RAPGEF4: variants seen among roughly 807,000 people sequenced by gnomAD.
The protein encoded by RAPGEF4 is Rap guanine nucleotide exchange factor 4, also known as RAP guanine-nucleotide-exchange factor (GEF) 4.
A neutral mutation model predicts 147.9 loss-of-function variants in RAPGEF4; 66 were observed. The ratio of observed to expected loss-of-function variants is 0.45; its 90% confidence interval spans 0.37 to 0.55. The LOEUF is 0.55. Among genes scored for constraint, RAPGEF4 ranks in the 20% least tolerant of loss-of-function variants. RAPGEF4 has a pLI of 0.00. For missense variants in RAPGEF4, 1,071 were observed against 1,257.3 expected (o/e 0.85, Z 2.24); for synonymous variants, 419 against 442.7 (o/e 0.95, Z 0.67).
intron 3 of RAPGEF4, among the ~76,000 whole-genome samples, chr2:172,801,732 A>G (rs891291220): frequency 2.6e-5 from 4 of 152,166 alleles, no homozygotes; most frequent in Non-Finnish European, 5.9e-5. Context: ...ATAGGTGCCA[A>G]CCAGAAGGAC....
intron 6 of RAPGEF4, among the ~76,000 whole-genome samples, chr2:172,931,294 A>G (rs1685947282): frequency 6.6e-6 from 1 of 151,696 alleles, no homozygotes; most frequent in Non-Finnish European, 1.5e-5. Context: ...TCTAGATAAG[A>G]TCACATCCTG....
At chr2:172,873,039 C>T (rs1201686952) in intron 4 of RAPGEF4, among the ~76,000 whole-genome samples, 1 of 152,166 alleles carries the variant, frequency 6.6e-6, no homozygotes, top group Non-Finnish European at 1.5e-5. Context: ...ATGCCACCAG[C>T]TTAGGAGAGG....
At chr2:172,809,257 T>C (rs1687794528) in intron 3 of RAPGEF4, among the ~76,000 whole-genome samples, 1 of 152,104 alleles carries the variant, frequency 6.6e-6, no homozygotes, top group Non-Finnish European at 1.5e-5. Context: ...CTTGGCCTGC[T>C]GATGGGAGGG....
intron 4 of RAPGEF4, among the ~76,000 whole-genome samples, chr2:172,910,781 G>A (rs985107317): frequency 6.6e-6 from 1 of 152,190 alleles, no homozygotes; most frequent in African/African-American, 2.4e-5. Context: ...AGCATTTCGA[G>A]ACCAAGTGTT....
At chr2:172,785,027 G>A (rs2149520110) in intron 1 of RAPGEF4, among the ~76,000 whole-genome samples, 1 of 152,214 alleles carries the variant, frequency 6.6e-6, no homozygotes, top group East Asian at 1.9e-4. Context: ...GTTTTGCCAT[G>A]TTGGTCAGGC....
chr2:172,749,479 T>A (rs555728370), intron 1 of RAPGEF4, among the ~76,000 whole-genome samples: 1 of 152,286 alleles, frequency 6.6e-6, no homozygotes, highest in African/African-American at 2.4e-5. Context: ...TAGCCATGGA[T>A]AGAGCAGCTG....
chr2:173,018,847 T>C, intron 22 of RAPGEF4, 45 bp downstream of exon 22: 1 of 1,594,194 alleles, frequency 6.3e-7, no homozygotes, highest in Non-Finnish European at 8.6e-7. Context: ...AATGGGACAT[T>C]CCATCCAAGC....
intron 1 of RAPGEF4, among the ~76,000 whole-genome samples, chr2:172,763,004 G>T (rs1243297716): frequency 6.6e-6 from 1 of 152,172 alleles, no homozygotes; most frequent in Non-Finnish European, 1.5e-5. Flanking sequence ...AGAAGGAAAG[G>T]CTTATTTAAC....
intron 4 of RAPGEF4, among the ~76,000 whole-genome samples, chr2:172,910,894 G>C (rs144100164): frequency 1.3e-5 from 2 of 152,306 alleles, no homozygotes; most frequent in Non-Finnish European, 2.9e-5. Flanking sequence ...GAATCACACA[G>C]GTCAGCCCAA....
intron 1 of RAPGEF4, among the ~76,000 whole-genome samples, chr2:172,758,765 A>G (rs1316446267): frequency 1.3e-5 from 2 of 152,170 alleles, no homozygotes; most frequent in African/African-American, 4.8e-5. Context: ...AATTTTGGAC[A>G]TGTTGAGTTT....
intron 1 of RAPGEF4, among the ~76,000 whole-genome samples, chr2:172,747,210 C>T (rs913611794): frequency 2.6e-5 from 4 of 152,146 alleles, no homozygotes; most frequent in Admixed American, 6.5e-5. Context: ...TTCATTGAGG[C>T]ACAATTGACA....
At chr2:172,852,083 A>C (rs1296560304) in intron 4 of RAPGEF4, among the ~76,000 whole-genome samples, 2 of 152,244 alleles carry the variant, frequency 1.3e-5, no homozygotes, top group East Asian at 1.9e-4. Context: ...GCTCATTAAA[A>C]ATAACTCCTG....
rs372092370 is a variant in RAPGEF4 at position 173,001,310 on chromosome 2, C to G, written c.1624C>G (p.Pro542Ala). ...DFIMMHCVFM[P>A]NTQLCPALVA... is the part of the protein sequence containing the mutation. ...TATTATGATGCACTGTGTTTTTATG[C>G]CAAATACCCAGCTTTGCCCGGCACT... The change falls in exon 17 of 31, where the codon CCA (proline) becomes GCA (alanine). Residue 542 changes from proline (P) to alanine (A), a missense_variant. Transcript: ENST00000397081. 1.8e-4 allele frequency: 289 copies of G among 1,613,884 alleles called. No individual in the cohort carries two copies. The highest frequency in any genetic ancestry group is 2.4e-4 in the Non-Finnish European group (286 of 1,179,962).
At chr2:172,951,698 C>T (rs1389487337) in intron 6 of RAPGEF4, among the ~76,000 whole-genome samples, 1 of 152,098 alleles carries the variant, frequency 6.6e-6, no homozygotes, top group Non-Finnish European at 1.5e-5. Context: ...AGGGTGTGGC[C>T]TGAGCAGAGG....
intron 16 of RAPGEF4, among the ~76,000 whole-genome samples, chr2:172,998,685 G>A (rs887222432): frequency 9.2e-5 from 14 of 152,140 alleles, no homozygotes; most frequent in South Asian, 6.2e-4. Context: ...TTGAAGAACC[G>A]GTTATGTGAG....
intron 4 of RAPGEF4, among the ~76,000 whole-genome samples, chr2:172,893,322 G>A (rs1698134088): frequency 6.6e-6 from 1 of 152,216 alleles, no homozygotes; most frequent in Admixed American, 6.5e-5. Flanking sequence ...ACTGCAAGCA[G>A]CTGGGGCCCA....
chr2:172,845,147 T>C (rs969021996), intron 4 of RAPGEF4, among the ~76,000 whole-genome samples: 1 of 152,154 alleles, frequency 6.6e-6, no homozygotes, highest in African/African-American at 2.4e-5. Context: ...GCAATAGGGA[T>C]CATGTGGAAG....
intron 4 of RAPGEF4, among the ~76,000 whole-genome samples, chr2:172,837,724 T>G (rs1691122560): frequency 1.3e-5 from 2 of 152,106 alleles, no homozygotes; most frequent in Admixed American, 1.3e-4. Context: ...TGCACCGCCT[T>G]GCCTGGCTAA....
intron 9 of RAPGEF4, 152 bp downstream of exon 9, chr2:172,965,835 C>A: frequency 2.1e-6 from 2 of 947,892 alleles, no homozygotes; most frequent in Non-Finnish European, 3.2e-6. Flanking sequence ...AATACAAATG[C>A]AGCAAGTAGA....
Sources: gnomAD v4.1 joint callset for allele counts (sites outside exome capture counted in the v4.1 genomes callset) on GRCh38, gnomAD v4.1.1 for gene constraint, MANE v1.5 for transcripts, NCBI Gene and HGNC (gene_info 2026-07-23, HGNC 2026-07-21) for gene names.